Variants in SORCS3 observed in about 807,000 individuals in gnomAD.
The protein encoded by SORCS3 is VPS10 domain-containing receptor SorCS3.
In SORCS3, 57 loss-of-function variants were observed where a neutral mutation model predicts 146.3. That is an observed-to-expected ratio of 0.39 (90% CI 0.31 to 0.49). The LOEUF is 0.49. Ranked by LOEUF, SORCS3 falls within the 20% of genes least tolerant of loss-of-function variation. The probability of loss-of-function intolerance (pLI) is 0.92; values close to 1 mark genes in which losing one functional copy is unlikely to be tolerated. For missense variants in SORCS3, 1,341 were observed against 1,575.5 expected, an observed-to-expected ratio of 0.85 and a Z score of 2.52; for synonymous variants, 653 against 618.5, an observed-to-expected ratio of 1.06 and a Z score of -0.83.
At chr10:105,041,326 C>G (rs1381210720) in intron 4 of SORCS3, among the ~76,000 whole-genome samples, 1 of 148,240 alleles carries the variant, frequency 6.7e-6, no homozygotes, top group Non-Finnish European at 1.5e-5. Context: ...GTTTTATAAC[C>G]AAATGCAACT....
intron 20 of SORCS3, among the ~76,000 whole-genome samples, chr10:105,245,128 G>A (rs1345035144): frequency 6.7e-6 from 1 of 150,278 alleles, no homozygotes; most frequent in Non-Finnish European, 1.5e-5. Flanking sequence ...AAATAACTAT[G>A]TGATCACTTC....
Position 105,262,482 on chromosome 10 carries a change from C to T in SORCS3, c.3595C>T (p.Arg1199Trp), listed in dbSNP as rs769309638. ...EELLDKELDT[R>W]VIGGIATIAN... Reference sequence around the variant, plus strand: ...GCTGCTGGACAAAGAGCTGGACACGCGGGTCATAGGTACATGCTCCTGCTC... The same window carrying T: ...GCTGCTGGACAAAGAGCTGGACACGTGGGTCATAGGTACATGCTCCTGCTC... The change falls in exon 26 of 27, where the codon CGG (arginine) becomes TGG (tryptophan). Residue 1199 changes from arginine to tryptophan, a missense_variant. By Grantham distance (101) the Arg-to-Trp change is moderately radical. Coordinates refer to ENST00000369701, the MANE Select transcript of SORCS3 (RefSeq NM_014978.3). 2.0e-5 allele frequency: 33 copies of T among 1,613,254 alleles called. No individual in the cohort carries two copies. Among genetic ancestry groups the T allele is most frequent in the East Asian group, 1.1e-4 (5 of 44,886 alleles).
At position 104,689,337 on chromosome 10, in the gene SORCS3, GACTCTT is replaced by G. The variant is rs200488544; in HGVS notation, c.627+47391_627+47396del. ...AGCCACTGGCCAACTTGGCCTTCAG[GACTCTT>G]ACTCTTAAGTTCTGCTTACGTTGCC... is the stretch of plus-strand genomic sequence containing the variant. On this transcript the variant is annotated intron_variant, in intron 1 of 26. Transcript: ENST00000369701. Among the ~76,000 whole-genome samples the G allele has an allele frequency of 7.0e-3, 1,065 of 152,256 alleles. 12 individuals carry two copies. The highest frequency in any genetic ancestry group is 0.025 in the African/African-American group (1,024 of 41,544).
intron 6 of SORCS3, among the ~76,000 whole-genome samples, chr10:105,097,506 G>A (rs2055754732): frequency 6.6e-6 from 1 of 152,148 alleles, no homozygotes; most frequent in South Asian, 2.1e-4. Flanking sequence ...GCAATTAAGT[G>A]TCAATAGAGA....
chr10:104,764,639 A>G (rs1269181107), intron 1 of SORCS3, among the ~76,000 whole-genome samples: 2 of 152,220 alleles, frequency 1.3e-5, no homozygotes, highest in African/African-American at 4.8e-5. Flanking sequence ...CCAAGAAGGT[A>G]ATGAAGTATT....
intron 4 of SORCS3, among the ~76,000 whole-genome samples, chr10:105,011,011 G>C (rs1589592925): frequency 6.6e-6 from 1 of 152,136 alleles, no homozygotes; most frequent in Non-Finnish European, 1.5e-5. Context: ...GCTGGAGGAA[G>C]GGGAAGGGCA....
At chr10:105,119,385 G>A (rs1285266571) in intron 7 of SORCS3, among the ~76,000 whole-genome samples, 1 of 152,180 alleles carries the variant, frequency 6.6e-6, no homozygotes, top group Non-Finnish European at 1.5e-5. Flanking sequence ...GGATAGTGAG[G>A]AAGGGAAATG....
At chr10:104,963,999 C>T (rs2054812267) in intron 3 of SORCS3, among the ~76,000 whole-genome samples, 1 of 152,114 alleles carries the variant, frequency 6.6e-6, no homozygotes, top group African/African-American at 2.4e-5. Flanking sequence ...CACCTCTCAG[C>T]ACCTCAGTGC....
intron 5 of SORCS3, among the ~76,000 whole-genome samples, chr10:105,049,386 C>T (rs2055395998): frequency 6.6e-6 from 1 of 152,010 alleles, no homozygotes; most frequent in Admixed American, 6.6e-5. Context: ...CAGAACTCCC[C>T]TTACACCCAC....
intron 1 of SORCS3, among the ~76,000 whole-genome samples, chr10:104,793,006 A>T (rs978526852): frequency 1.3e-5 from 2 of 152,218 alleles, no homozygotes; most frequent in African/African-American, 2.4e-5. Context: ...TGGAATGTGA[A>T]TCAGGCAAGT....
chr10:104,693,837 TC>T (rs2016143041), intron 1 of SORCS3, among the ~76,000 whole-genome samples: 1 of 152,112 alleles, frequency 6.6e-6, no homozygotes, highest in Admixed American at 6.6e-5. Context: ...CTTGTTCTCT[TC>T]CCCCATGTGC....
chr10:105,043,886 A>G (rs1196098469), intron 5 of SORCS3, among the ~76,000 whole-genome samples: 1 of 152,140 alleles, frequency 6.6e-6, no homozygotes, highest in East Asian at 1.9e-4. Flanking sequence ...TCCTTTATGC[A>G]TGCATACTAT....
intron 7 of SORCS3, among the ~76,000 whole-genome samples, chr10:105,126,010 ATAACT>A (rs1444681503): frequency 1.3e-5 from 2 of 152,182 alleles, no homozygotes; most frequent in Non-Finnish European, 2.9e-5. Context: ...GACAAAATAA[ATAACT>A]TAAAAGATGC....
At chr10:105,129,282 T>C (rs901944605) in intron 7 of SORCS3, among the ~76,000 whole-genome samples, 11 of 151,778 alleles carry the variant, frequency 7.2e-5, no homozygotes, top group Non-Finnish European at 1.6e-4. Flanking sequence ...AATATCTTCT[T>C]TAACCTCCTC....
At chr10:105,209,446 A>G (rs557299772) in intron 16 of SORCS3, among the ~76,000 whole-genome samples, 1 of 152,166 alleles carries the variant, frequency 6.6e-6, no homozygotes, top group South Asian at 2.1e-4. Flanking sequence ...CCCAGCTGCA[A>G]CTGCTTTCTA....
chr10:104,928,688 G>A (rs1021364234), intron 3 of SORCS3, among the ~76,000 whole-genome samples: 2 of 152,142 alleles, frequency 1.3e-5, no homozygotes, highest in Non-Finnish European at 2.9e-5. Context: ...AGGGCCAAGT[G>A]TCCTGGGATC....
At chr10:105,194,106 G>A (rs539919555) in intron 14 of SORCS3, among the ~76,000 whole-genome samples, 123 of 152,262 alleles carry the variant, frequency 8.1e-4, no homozygotes, top group Non-Finnish European at 1.3e-3. Context: ...GTGGTTGGGA[G>A]CAACTTCCTC....
At chr10:105,033,289 C>T (rs1304079406) in intron 4 of SORCS3, among the ~76,000 whole-genome samples, 1 of 152,136 alleles carries the variant, frequency 6.6e-6, no homozygotes, top group East Asian at 1.9e-4. Flanking sequence ...AAGAAGGTAA[C>T]ATAAAAGATA....
At chr10:104,974,851 G>A (rs1253906658) in intron 3 of SORCS3, among the ~76,000 whole-genome samples, 3 of 152,208 alleles carry the variant, frequency 2.0e-5, no homozygotes, top group East Asian at 1.9e-4. Context: ...TCCTTTCCAT[G>A]TTTAGTGCTT....
Sources: gnomAD v4.1 joint callset for allele counts (sites outside exome capture counted in the v4.1 genomes callset) on GRCh38, gnomAD v4.1.1 for gene constraint, MANE v1.5 for transcripts, NCBI Gene and HGNC (gene_info 2026-07-23, HGNC 2026-07-21) for gene names.